The following NECTIN1 variants were observed in gnomAD, a reference collection of about 807,000 sequenced individuals.
The protein encoded by NECTIN1 is nectin-1.
In NECTIN1, 23 loss-of-function variants were observed where a neutral mutation model predicts 48.0. The observed-to-expected ratio is 0.48, with a 90% CI of 0.34 to 0.68. The LOEUF is 0.68. Ranked by LOEUF, NECTIN1 falls within the 30% of genes least tolerant of loss-of-function variation. The pLI is 0.01. For synonymous variants in NECTIN1, 270 were observed against 288.9 expected, an observed-to-expected ratio of 0.93 and a Z score of 0.66; for missense variants, 591 against 709.9, an observed-to-expected ratio of 0.83 and a Z score of 1.90.
chr11:119,713,223 C>T (rs1865685522), intron 1 of NECTIN1, among the ~76,000 whole-genome samples: 1 of 151,942 alleles, frequency 6.6e-6, no homozygotes, highest in African/African-American at 2.4e-5. Flanking sequence ...GGGGAGGGGG[C>T]AGAGGCCTAT....
Position 119,728,502 on chromosome 11 carries a change from G to C in NECTIN1, c.52C>G (p.Leu18Val). Residue 18 changes from leucine (L) to valine (V), a missense_variant, in exon 1 of 6, where the codon CTC becomes GTC. Transcript: ENST00000264025. ...GAAGRWWGLA[L>V]GLTAFFLPGV... ...GGGAGGAAGAATGCGGTCAAGCCGA[G>C]AGCGAGTCCCCACCAGCGTCCAGCG... 1 of 1,601,058 alleles carries C rather than the reference G, an allele frequency of 6.2e-7. No individual in the cohort carries two copies. Among genetic ancestry groups the C allele is most frequent in the South Asian group, 1.1e-5 (1 of 89,076 alleles).
intron 1 of NECTIN1, among the ~76,000 whole-genome samples, chr11:119,699,741 C>G (rs1344704277): frequency 6.6e-6 from 1 of 152,218 alleles, no homozygotes; most frequent in East Asian, 1.9e-4. Context: ...TGTTAGGAGA[C>G]AGCTGAAGAC....
Position 119,661,130 on chromosome 11 carries a change from T to C in NECTIN1, c.*3617A>G. 3.0e-6 allele frequency: 3 copies of C among 985,840 alleles called. No individual in the cohort carries two copies. The South Asian group carries it at 1.4e-4, about 46-fold the overall frequency. The allele number at this position is 985,840 out of a possible 1,614,324, so 61.1% of individuals were successfully genotyped here. A position where few individuals can be genotyped will look rare whatever the true frequency, so the allele number is the denominator to read the frequency against. On this transcript the variant is annotated 3_prime_UTR_variant, in exon 6 of 6. Transcript: ENST00000264025. Reference sequence around the variant, plus strand: ...TCAGAACCAGGAGGATCTGCTGGGCTGTCCCTGGACCAAAGGCGGAAAGGG... The same window carrying C: ...TCAGAACCAGGAGGATCTGCTGGGCCGTCCCTGGACCAAAGGCGGAAAGGG...
At position 119,665,027 on chromosome 11, in the gene NECTIN1, T is replaced by C. The variant is rs1565382803; in HGVS notation, c.1274A>G (p.Glu425Gly). 1 of 1,613,850 alleles carries C rather than the reference T, an allele frequency of 6.2e-7. No individual in the cohort carries two copies. Among genetic ancestry groups the C allele is most frequent in the South Asian group, 1.1e-5 (1 of 91,086 alleles). Reference sequence around the variant, plus strand: ...TCCACCCAGTGGGCCGGCCTTCTTCTCGTCGTCTGAGTCGTCGGGGTACTG... The same window carrying C: ...TCCACCCAGTGGGCCGGCCTTCTTCCCGTCGTCTGAGTCGTCGGGGTACTG... ...NLQYPDDSDD[E>G]KKAGPLGGSS... Residue 425 changes from glutamate (E) to glycine (G), a missense_variant, in exon 6 of 6, where the codon GAG (glutamate) becomes GGG (glycine). By Grantham distance (98) the Glu-to-Gly change is moderately conservative. Transcript: ENST00000264025. This position sits in a 1 kb window ranked among gnomAD's most constrained non-coding sequence, Gnocchi z 5.1.
chr11:119,710,691 G>C (rs188590234), intron 1 of NECTIN1, among the ~76,000 whole-genome samples: 28 of 152,306 alleles, frequency 1.8e-4, no homozygotes, highest in Admixed American at 1.4e-3. Context: ...AACAGCAAAG[G>C]CATGGTGGAC....
At chr11:119,640,256 A>G in intron 5 of NECTIN1, 1 of 562,550 alleles carries the variant, frequency 1.8e-6, no homozygotes. Flanking sequence ...GATCTGGGGC[A>G]TGGAGGTAGA....
chr11:119,720,451 C>A (rs561747825), intron 1 of NECTIN1, among the ~76,000 whole-genome samples: 22 of 152,384 alleles, frequency 1.4e-4, no homozygotes, highest in Admixed American at 1.4e-3. Context: ...AGCAGATTGG[C>A]GCTCCCATCT....
intron 5 of NECTIN1, among the ~76,000 whole-genome samples, chr11:119,669,183 G>A (rs1341234206): frequency 2.0e-5 from 3 of 152,102 alleles, no homozygotes; most frequent in Middle Eastern, 3.2e-3. Context: ...AGGCCGAGGC[G>A]GACGGATCAC....
Position 119,728,663 on chromosome 11 carries a change from G to A in NECTIN1, c.-110C>T, listed in dbSNP as rs1865961261. 8.4e-6 allele frequency: 2 copies of A among 238,060 alleles called. No individual in the cohort carries two copies. The highest frequency in any genetic ancestry group is 4.9e-5 in the African/African-American group (2 of 40,656). 14.7% of individuals were successfully genotyped at this position (238,060 alleles called of 1,614,324 possible). A position where few individuals can be genotyped will look rare whatever the true frequency, so the allele number is the denominator to read the frequency against. ...GCTGGCGGTCGGCGGGCGCTCGAAG[G>A]ATCCAGGTCAGCTGCAGCCGTCGGC... On this transcript the variant is annotated 5_prime_UTR_variant, in exon 1 of 6. Transcript: ENST00000264025.
rs1038360507 is a variant in NECTIN1 at position 119,672,267 on chromosome 11, G to A, written c.1003+2892C>T. Among the ~76,000 whole-genome samples, 1 of 152,188 alleles carries A rather than the reference G, an allele frequency of 6.6e-6. No homozygotes were observed. The highest frequency in any genetic ancestry group is 1.5e-5 in the Non-Finnish European group (1 of 68,018). ...GGTCCCAGCTGGAGAGGCCTGGCCT[G>A]TCTCCTCCCGACACCCACAGGGATA... On this transcript the variant is annotated intron_variant, in intron 5 of 5. Coordinates refer to ENST00000264025, the MANE Select transcript of NECTIN1 (RefSeq NM_002855.5). The surrounding 1 kb of genome is among the most constrained non-coding windows in gnomAD (Gnocchi z 4.3).
chr11:119,719,358 G>A (rs1865792386), intron 1 of NECTIN1, among the ~76,000 whole-genome samples: 1 of 152,192 alleles, frequency 6.6e-6, no homozygotes, highest in Non-Finnish European at 1.5e-5. Context: ...TCCATCACCT[G>A]TCTGCCACCC....
rs751351358 is a variant in NECTIN1 at position 119,665,032 on chromosome 11, G to T, written c.1269C>A (p.Asp423Glu). The change falls in exon 6 of 6, where the codon GAC (aspartate) becomes GAA (glutamate). Residue 423 changes from aspartate to glutamate, a missense_variant. Physicochemically the swap from Asp to Glu is conservative, Grantham distance 45. Coordinates refer to ENST00000264025, the MANE Select transcript of NECTIN1 (RefSeq NM_002855.5). This position sits in a 1 kb window ranked among gnomAD's most constrained non-coding sequence, Gnocchi z 5.1. ...AQNLQYPDDS[D>E]DEKKAGPLGG... ...CCAGTGGGCCGGCCTTCTTCTCGTCGTCTGAGTCGTCGGGGTACTGCAGGT... is the reference window on the plus strand; with the variant it reads ...CCAGTGGGCCGGCCTTCTTCTCGTCTTCTGAGTCGTCGGGGTACTGCAGGT... 1 of 1,613,808 alleles carries T rather than the reference G, an allele frequency of 6.2e-7. No homozygotes were observed. Among genetic ancestry groups the T allele is most frequent in the African/African-American group, 1.3e-5 (1 of 75,006 alleles).
Position 119,706,504 on chromosome 11 carries a change from G to GT in NECTIN1, c.79+21970dup, listed in dbSNP as rs541150241. ...AGGGACCTTCTAGCCAGGCACCACT[G>GT]TATCTTCTCTCTGCACGCATTGCAC... On this transcript the variant is annotated intron_variant, in intron 1 of 5. Coordinates refer to ENST00000264025, the MANE Select transcript of NECTIN1 (RefSeq NM_002855.5). Among the ~76,000 whole-genome samples the GT allele has an allele frequency of 5.2e-3, 786 of 152,318 alleles. 8 individuals carry two copies. Among genetic ancestry groups the GT allele is most frequent in the Non-Finnish European group, 4.3e-3 (294 of 68,030 alleles).
At chr11:119,668,564 C>T (rs1009711138) in intron 5 of NECTIN1, among the ~76,000 whole-genome samples, 4 of 152,200 alleles carry the variant, frequency 2.6e-5, no homozygotes, top group African/African-American at 9.7e-5. Flanking sequence ...GAGTGCCTTT[C>T]CTCATCCTCC....
intron 1 of NECTIN1, among the ~76,000 whole-genome samples, chr11:119,694,280 G>T (rs1002263358): frequency 6.6e-6 from 1 of 152,184 alleles, no homozygotes; most frequent in African/African-American, 2.4e-5. Context: ...ATCTGAGCCT[G>T]GATGGCTTGG....
chr11:119,713,510 T>TCCCCCCCCCCCCCCCCCCCCCCCCC (rs1591484410), intron 1 of NECTIN1: 2 of 134,000 alleles, frequency 1.5e-5, no homozygotes, highest in African/African-American at 2.9e-5. Context: ...ACGTGCCCCG[T>TCCCCCCCCCCCCCCCCCCCCCCCCC]CTCCCCCCTT....
intron 5 of NECTIN1, among the ~76,000 whole-genome samples, chr11:119,671,261 G>A (rs940107273): frequency 5.9e-5 from 9 of 152,042 alleles, no homozygotes; most frequent in South Asian, 4.1e-4. Context: ...TGCAAGGGCC[G>A]CAGCTGGGAG....
intron 5 of NECTIN1, among the ~76,000 whole-genome samples, chr11:119,668,040 T>C (rs1864803723): frequency 6.6e-6 from 1 of 152,210 alleles, no homozygotes; most frequent in South Asian, 2.1e-4. Flanking sequence ...CCCAACATAC[T>C]GGAACATGAA....
chr11:119,709,122 A>T lies in NECTIN1; in HGVS notation c.79+19353T>A, dbSNP rs1865594404. Among the ~76,000 whole-genome samples, 1 of 152,136 alleles carries T rather than the reference A, an allele frequency of 6.6e-6. No individual in the cohort carries two copies. Among genetic ancestry groups the T allele is most frequent in the African/African-American group, 2.4e-5 (1 of 41,414 alleles). On this transcript the variant is annotated intron_variant, in intron 1 of 5. Coordinates refer to ENST00000264025, the MANE Select transcript of NECTIN1 (RefSeq NM_002855.5). This position sits in a 1 kb window ranked among gnomAD's most constrained non-coding sequence, Gnocchi z 4.1. ...GAGATGCCTGGGACCAGAGCGACAG[A>T]CGGTCACCTGACAAGCCACACCACC...
Sources: gnomAD v4.1 joint callset for allele counts (sites outside exome capture counted in the v4.1 genomes callset) on GRCh38, gnomAD v4.1.1 for gene constraint, Gnocchi (gnomAD v3.1) non-coding constraint, MANE v1.5 for transcripts, NCBI Gene and HGNC (gene_info 2026-07-23, HGNC 2026-07-21) for gene names.